PLD5: variants seen among roughly 807,000 people sequenced by gnomAD.
PLD5 encodes phospholipase D family member 5.
PLD5 carries 36 observed loss-of-function variants against 61.1 expected under a neutral mutation model. The observed-to-expected ratio is 0.59, with a 90% CI of 0.45 to 0.78. The LOEUF (loss-of-function observed/expected upper bound fraction) is 0.78, where lower values mean the gene tolerates loss of function less well. Ranked by LOEUF, PLD5 falls within the 30% of genes least tolerant of loss-of-function variation. PLD5 has a pLI of 0.00. For missense variants in PLD5, 515 were observed against 644.4 expected (o/e 0.80, Z 2.17); for synonymous variants, 243 against 242.8 (o/e 1.00, Z -0.01).
intron 5 of PLD5, among the ~76,000 whole-genome samples, chr1:242,164,403 T>TAAA (rs34240432): frequency 1.5e-4 from 23 of 149,812 alleles, no homozygotes; most frequent in South Asian, 6.3e-4. Flanking sequence ...TGACAAATAT[T>TAAA]AAAAAAAAAA....
At chr1:242,272,401 G>A (rs1674143481) in intron 3 of PLD5, among the ~76,000 whole-genome samples, 1 of 151,996 alleles carries the variant, frequency 6.6e-6, no homozygotes, top group South Asian at 2.1e-4. Flanking sequence ...TTGATTATAT[G>A]TATACTTTTA....
At chr1:242,158,785 T>A (rs1665595887) in intron 5 of PLD5, among the ~76,000 whole-genome samples, 1 of 152,116 alleles carries the variant, frequency 6.6e-6, no homozygotes, top group African/African-American at 2.4e-5. Context: ...AGTCTCCTAT[T>A]TTTTCTTTGT....
At chr1:242,290,967 A>G (rs537604160) in intron 2 of PLD5, among the ~76,000 whole-genome samples, 1 of 152,154 alleles carries the variant, frequency 6.6e-6, no homozygotes, top group African/African-American at 2.4e-5. Flanking sequence ...TGTCTTTAGG[A>G]TGATGCCCTT....
At chr1:242,404,359 T>C (rs1037213632) in intron 1 of PLD5, among the ~76,000 whole-genome samples, 1 of 152,118 alleles carries the variant, frequency 6.6e-6, no homozygotes, top group Non-Finnish European at 1.5e-5. Context: ...ACCCATGAGA[T>C]AACCTGAGAT....
chr1:242,308,018 A>G (rs115990759), intron 2 of PLD5, among the ~76,000 whole-genome samples: 12,326 of 152,294 alleles, frequency 0.081, 513 homozygotes, highest in Middle Eastern at 0.11. Flanking sequence ...ACTAGGTATT[A>G]TAGACACAAG....
At chr1:242,397,610 T>C (rs1663668880) in intron 1 of PLD5, among the ~76,000 whole-genome samples, 1 of 152,096 alleles carries the variant, frequency 6.6e-6, no homozygotes, top group Non-Finnish European at 1.5e-5. Context: ...AAACAGATCC[T>C]GCTAATAGGT....
At chr1:242,114,607 T>G (rs1661798097) in intron 6 of PLD5, among the ~76,000 whole-genome samples, 1 of 152,204 alleles carries the variant, frequency 6.6e-6, no homozygotes, top group African/African-American at 2.4e-5. Flanking sequence ...CGCTCCCCCT[T>G]GCTCGCGTCA....
chr1:242,264,482 T>C (rs543862800), intron 4 of PLD5, among the ~76,000 whole-genome samples: 1 of 152,272 alleles, frequency 6.6e-6, no homozygotes, highest in Non-Finnish European at 1.5e-5. Context: ...TTGATTCCTG[T>C]TCTGTTCCAT....
At chr1:242,397,310 T>G (rs761963299) in intron 1 of PLD5, among the ~76,000 whole-genome samples, 2 of 151,396 alleles carry the variant, frequency 1.3e-5, no homozygotes, top group African/African-American at 2.4e-5. Context: ...ATCCTTCTGC[T>G]GCTTGAATTA....
intron 3 of PLD5, among the ~76,000 whole-genome samples, chr1:242,266,984 G>T (rs1213371044): frequency 2.0e-5 from 3 of 152,132 alleles, no homozygotes; most frequent in Non-Finnish European, 4.4e-5. Flanking sequence ...GGGCATGGTG[G>T]TGGGTGCCTG....
chr1:242,470,372 AAGAAAG>A (rs1340774836), intron 1 of PLD5, among the ~76,000 whole-genome samples: 30 of 75,148 alleles, frequency 4.0e-4, no homozygotes, highest in African/African-American at 1.7e-3. Flanking sequence ...GAAAGAAAGA[AAGAAAG>A]AAAAAAAAGA....
intron 5 of PLD5, among the ~76,000 whole-genome samples, chr1:242,185,585 G>A (rs571683860): frequency 6.6e-6 from 1 of 152,160 alleles, no homozygotes; most frequent in African/African-American, 2.4e-5. Context: ...AGCCTTGCCT[G>A]GGGTAGAGAG....
chr1:242,229,907 TA>T (rs60295070), intron 4 of PLD5, among the ~76,000 whole-genome samples: 13,014 of 140,368 alleles, frequency 0.093, 659 homozygotes, highest in East Asian at 0.17. Context: ...AAAATATTGA[TA>T]AAAAAAAAAA....
rs189063393 is a variant in PLD5 at position 242,290,414 on chromosome 1, G to A, written c.327-1884C>T. Among the ~76,000 whole-genome samples, 759 of 152,206 alleles carry A rather than the reference G, an allele frequency of 5.0e-3. 4 individuals are homozygous for A. The highest frequency in any genetic ancestry group is 6.7e-3 in the Non-Finnish European group (455 of 68,018). On this transcript the variant is annotated intron_variant, in intron 2 of 9. Transcript: ENST00000536534. ...TGAGTTAGTGAGCCAAGGGGAGCGT[G>A]AAGTAGGAAAGTTACGGTAGGAGCT...
intron 5 of PLD5, among the ~76,000 whole-genome samples, chr1:242,194,925 T>C (rs1668541108): frequency 6.6e-6 from 1 of 152,062 alleles, no homozygotes; most frequent in Non-Finnish European, 1.5e-5. Flanking sequence ...TTGGGTTCAG[T>C]GTATACTGCT....
At chr1:242,311,115 T>C (rs1462104952) in intron 2 of PLD5, among the ~76,000 whole-genome samples, 2 of 152,028 alleles carry the variant, frequency 1.3e-5, no homozygotes, top group Non-Finnish European at 2.9e-5. Context: ...CAATGAAACA[T>C]GAATATCCAC....
Position 242,406,919 on chromosome 1 carries a change from T to A in PLD5, c.190-58677A>T, listed in dbSNP as rs563486763. Among the ~76,000 whole-genome samples, 14 of 152,186 alleles carry A rather than the reference T, an allele frequency of 9.2e-5. 1 individual carries two copies. Among genetic ancestry groups the A allele is most frequent in the African/African-American group, 3.4e-4 (14 of 41,524 alleles). On this transcript the variant is annotated intron_variant, in intron 1 of 9. Coordinates refer to ENST00000536534, the MANE Select transcript of PLD5 (RefSeq NM_001372062.1). ...TTTAACAGAGGTATGAATTGTTAGG[T>A]TTTTGGTTCTGTAGGGGTAAGAGGG...
chr1:242,450,783 T>C (rs1184132583), intron 1 of PLD5, among the ~76,000 whole-genome samples: 1 of 152,148 alleles, frequency 6.6e-6, no homozygotes, highest in Non-Finnish European at 1.5e-5. Flanking sequence ...GGAAAAAGTC[T>C]TTTAGGATAG....
rs552938633 is a variant in PLD5, at chr1:242,287,896, C to T, written c.495+466G>A. Among the ~76,000 whole-genome samples the T allele has an allele frequency of 5.9e-5, 9 of 152,242 alleles. No individual in the cohort carries two copies. The East Asian group carries it at 7.7e-4, about 13-fold the overall frequency. Reference sequence around the variant, plus strand: ...ACGACAGTCGAGAAAAACAACTATCCTGGGAAATTTCACTCTATTAAAAAA... The same window carrying T: ...ACGACAGTCGAGAAAAACAACTATCTTGGGAAATTTCACTCTATTAAAAAA... On this transcript the variant is annotated intron_variant, in intron 3 of 9. Transcript: ENST00000536534.
Sources: gnomAD v4.1 joint callset for allele counts (sites outside exome capture counted in the v4.1 genomes callset) on GRCh38, gnomAD v4.1.1 for gene constraint, MANE v1.5 for transcripts, NCBI Gene and HGNC (gene_info 2026-07-23, HGNC 2026-07-21) for gene names.